The following PFKL variants were observed in gnomAD, a reference collection of about 807,000 sequenced individuals.
The protein encoded by PFKL is phosphofructokinase, liver type.
In PFKL, 74 loss-of-function variants were observed where a neutral mutation model predicts 92.1. The ratio of observed to expected loss-of-function variants is 0.80; its 90% confidence interval spans 0.67 to 0.97. PFKL has a LOEUF of 0.97. Ranked by LOEUF, PFKL falls within the 50% of genes least tolerant of loss-of-function variation. The pLI, the probability that PFKL is intolerant of heterozygous loss-of-function variation, is 0.00. For synonymous variants in PFKL, 494 were observed against 456.4 expected, an observed-to-expected ratio of 1.08 and a Z score of -1.05; for missense variants, 1,028 against 1,116.6, an observed-to-expected ratio of 0.92 and a Z score of 1.13.
At chr21:44,315,103 G>A (rs1446764842) in intron 7 of PFKL, 1 of 152,406 alleles carries the variant, frequency 6.6e-6, no homozygotes, top group Admixed American at 6.5e-5. Context: ...CGGAGATGGA[G>A]CCCAACAGGC....
rs370276523 is a variant in PFKL, at chr21:44,305,760, T to C, written c.86-921T>C. 2.2e-6 allele frequency: 3 copies of C among 1,363,254 alleles called. No individual in the cohort carries two copies. The African/African-American group carries it at 4.4e-5, about 20-fold the overall frequency. 84.4% of individuals were successfully genotyped at this position (1,363,254 alleles called of 1,614,324 possible). ...GGTGTGGGGTACATTAGCACCAGCG[T>C]TTCCTGAGTGCCGCCTCCCCCGTTA... On this transcript the variant is annotated intron_variant, in intron 1 of 21. Transcript: ENST00000349048.
chr21:44,302,463 C>T (rs550421037), intron 1 of PFKL, among the ~76,000 whole-genome samples: 2 of 152,256 alleles, frequency 1.3e-5, no homozygotes, highest in South Asian at 2.1e-4. Flanking sequence ...CAGGGCTCTC[C>T]CAGGCCACCA....
chr21:44,312,537 G>T (rs928980941), intron 4 of PFKL, among the ~76,000 whole-genome samples: 2 of 152,220 alleles, frequency 1.3e-5, no homozygotes, highest in Non-Finnish European at 2.9e-5. Flanking sequence ...GGCTGGTGGA[G>T]GCCGGTGTTG....
At chr21:44,305,551 G>C (rs1264920900) in intron 1 of PFKL, 2 of 873,014 alleles carry the variant, frequency 2.3e-6, no homozygotes, top group Non-Finnish European at 3.2e-6. Flanking sequence ...AGGGAGGCAG[G>C]AAGAGCAGGG....
chr21:44,311,706 C>T (rs1278153117), intron 3 of PFKL, among the ~76,000 whole-genome samples: 1 of 152,180 alleles, frequency 6.6e-6, no homozygotes, highest in Admixed American at 6.5e-5. Context: ...TGAGGGGCCA[C>T]GTGAGCGCAC....
At chr21:44,300,858 C>A (rs369828848) in intron 1 of PFKL, among the ~76,000 whole-genome samples, 1 of 152,166 alleles carries the variant, frequency 6.6e-6, no homozygotes. Flanking sequence ...TGTCCTCGCA[C>A]GCTCCCTCCC....
chr21:44,323,816 G>GC lies in PFKL; in HGVS notation c.1549dup (p.Leu517ProfsTer37), dbSNP rs1568970132. 6.2e-7 allele frequency: 1 copy of GC among 1,613,148 alleles called. No individual in the cohort carries two copies. Among genetic ancestry groups the GC allele is most frequent in the South Asian group, 1.1e-5 (1 of 91,070 alleles). ...TGGAGGCTCGCGGGCGCTACGAGGA[G>GC]CTCTGCATCGTCATGTGTGTCATCC... On this transcript the variant is annotated frameshift_variant, in exon 16 of 22. Coordinates refer to ENST00000349048, the MANE Select transcript of PFKL (RefSeq NM_002626.6). LOFTEE classifies it high-confidence loss of function.
At chr21:44,322,485 C>T (rs1044162322) in intron 14 of PFKL, among the ~76,000 whole-genome samples, 12 of 152,206 alleles carry the variant, frequency 7.9e-5, no homozygotes, top group African/African-American at 2.9e-4. Flanking sequence ...GGCCAGGCAG[C>T]CTGCACTGTC....
intron 7 of PFKL, chr21:44,315,787 G>A (rs1382485885): frequency 9.4e-6 from 2 of 212,872 alleles, no homozygotes; most frequent in Non-Finnish European, 1.9e-5. Context: ...GCGATGCGGG[G>A]CCCCTGGTTA....
chr21:44,318,536 G>T lies in PFKL; in HGVS notation c.1003G>T (p.Val335Leu). The stretch of plus-strand genomic sequence containing the variant: ...AGCCACGCCTGACACGCCGGCCTGC[G>T]TGGTCACCCTCTCGGGGAACCAGTC... ...LEATPDTPAC[V>L]VTLSGNQSVR... is the part of the protein sequence containing the mutation. Residue 335 changes from valine (V) to leucine (L), a missense_variant, in exon 10 of 22, where the codon GTG (valine) becomes TTG (leucine). Val to Leu is a conservative substitution (Grantham distance 32). Coordinates refer to ENST00000349048, the MANE Select transcript of PFKL (RefSeq NM_002626.6). 6.3e-7 allele frequency: 1 copy of T among 1,580,682 alleles called. No homozygotes were observed. Among genetic ancestry groups the T allele is most frequent in the Non-Finnish European group, 8.6e-7 (1 of 1,158,262 alleles).
In PFKL at chr21:44,320,162, G is replaced by A. The variant is rs11908697; in HGVS notation, c.1191+15G>A. The A allele has an allele frequency of 3.4e-5, 54 of 1,610,084 alleles. No individual in the cohort carries two copies. The African/African-American group carries it at 5.5e-4, about 16-fold the overall frequency. On this transcript the variant is annotated intron_variant, in intron 12 of 21. Transcript: ENST00000349048. ...CCAAGGAGAAGGTGAGGCAGGGAGC[G>A]GCGCCCACAGAGGGAGGAACGGGCT...
At chr21:44,301,072 G>T (rs942879575) in intron 1 of PFKL, among the ~76,000 whole-genome samples, 43 of 152,210 alleles carry the variant, frequency 2.8e-4, no homozygotes, top group African/African-American at 9.9e-4. Context: ...CTGTCTTTTA[G>T]AGTTCAGAAA....
At chr21:44,318,719 C>T (rs2047279237) in intron 10 of PFKL, 124 bp downstream of exon 10, 3 of 697,290 alleles carry the variant, frequency 4.3e-6, no homozygotes, top group Non-Finnish European at 6.3e-6. Flanking sequence ...TCGTGGCTGG[C>T]CCAGGGCATC....
chr21:44,315,813 G>A (rs1446395856), intron 7 of PFKL: 1 of 233,084 alleles, frequency 4.3e-6, no homozygotes, highest in Non-Finnish European at 8.6e-6. Flanking sequence ...ATGAGCAGAT[G>A]GAAGCTCACA....
At chr21:44,316,720 CGTGTGGGTGTGTGTGGCAGTGT>C (rs916262414) in intron 9 of PFKL, among the ~76,000 whole-genome samples, 196 bp downstream of exon 9, 10 of 151,240 alleles carry the variant, frequency 6.6e-5, no homozygotes, top group Admixed American at 3.3e-4. Flanking sequence ...GTGTCTGGTC[CGTGTGGGTGTGTGTGGCAGTGT>C]GTGTGGGTGT....
rs939837051 is a variant in PFKL at position 44,304,136 on chromosome 21, A to G, written c.86-2545A>G. On this transcript the variant is annotated intron_variant, in intron 1 of 21. Transcript: ENST00000349048. ...CACTTTGTTCTCCTCCCAAGGGCTCAGCACAAAGCTGGGTTTTGGCAGCTT... is the reference window on the plus strand; with the variant it reads ...CACTTTGTTCTCCTCCCAAGGGCTCGGCACAAAGCTGGGTTTTGGCAGCTT... 8 of 1,175,018 alleles carry G rather than the reference A, an allele frequency of 6.8e-6. No homozygotes were observed. The African/African-American group carries it at 8.1e-5, about 12-fold the overall frequency. 72.8% of individuals were successfully genotyped at this position (1,175,018 alleles called of 1,614,324 possible). A position where few individuals can be genotyped will look rare whatever the true frequency, so the allele number is the denominator to read the frequency against.
At chr21:44,301,128 C>G (rs754815144) in intron 1 of PFKL, among the ~76,000 whole-genome samples, 4 of 152,216 alleles carry the variant, frequency 2.6e-5, no homozygotes, top group Non-Finnish European at 5.9e-5. Flanking sequence ...GCTTCAGGCA[C>G]CTGACCCTCC....
intron 9 of PFKL, among the ~76,000 whole-genome samples, chr21:44,317,290 T>C (rs2047233306): frequency 6.6e-6 from 1 of 152,136 alleles, no homozygotes; most frequent in South Asian, 2.1e-4. Context: ...TGACTGCACC[T>C]GGCCCTGTGA....
Position 44,311,573 on chromosome 21 carries a change from C to CCCA in PFKL, c.237+491_237+492insCAC, listed in dbSNP as rs1602014519. 9.2e-5 allele frequency among the ~76,000 whole-genome samples: 14 copies of CCCA among 152,348 alleles called. No homozygotes were observed. In the East Asian group the frequency reaches 2.7e-3, roughly 29 times the overall value. On this transcript the variant is annotated intron_variant, in intron 3 of 21. Transcript: ENST00000349048. ...CATCGCACAGGGACTCAGGTTCAGG[C>CCCA]CGACCCTGTCATCTGCTGCCATGGA...
Sources: allele counts gnomAD v4.1 joint callset (sites outside exome capture counted in the v4.1 genomes callset), GRCh38; gene constraint gnomAD v4.1.1; transcripts MANE v1.5; gene names NCBI Gene and HGNC (gene_info 2026-07-23, HGNC 2026-07-21).